The following CASK variants were observed in gnomAD, a reference collection of about 807,000 sequenced individuals.
The protein encoded by CASK is calcium/calmodulin dependent serine protein kinase, also known as peripheral plasma membrane protein CASK.
In CASK, 4 loss-of-function variants were observed where a neutral mutation model predicts 82.9. The observed-to-expected ratio is 0.05, with a 90% CI of 0.02 to 0.11. The LOEUF is 0.11. Ranked by LOEUF, CASK falls within the 10% of genes least tolerant of loss-of-function variation. CASK has a pLI of 1.00. For synonymous variants in CASK, 259 were observed against 253.5 expected (o/e 1.02, Z -0.20); for missense variants, 358 against 720.9 (o/e 0.50, Z 5.76).
At chrX:41,724,810 T>C (rs991530292) in intron 5 of CASK, among the ~76,000 whole-genome samples, 3 of 111,915 alleles carry the variant, frequency 2.7e-5, no homozygotes, top group African/African-American at 9.7e-5. Context: ...AAGCATTTAA[T>C]ATTCATACAG....
rs780008829 is a variant in CASK, at chrX:41,576,692, CA to C, written c.1503+1647del. 2.7e-5 allele frequency among the ~76,000 whole-genome samples: 3 copies of C among 111,918 alleles called. No individual in the cohort carries two copies. The Admixed American group carries it at 2.8e-4, about 11-fold the overall frequency. On this transcript the variant is annotated intron_variant, in intron 15 of 26. Coordinates refer to ENST00000378163, the MANE Select transcript of CASK (RefSeq NM_001367721.1). Reference sequence around the variant, plus strand: ...ATGAATGAATGGAATATTAGACTTTCAGAGCTAGGTGGGATCTTGGGGATCA... The same window carrying C: ...ATGAATGAATGGAATATTAGACTTTCGAGCTAGGTGGGATCTTGGGGATCA...
At chrX:41,689,153 T>A (rs2067496173) in intron 5 of CASK, 1 of 112,133 alleles carries the variant, frequency 8.9e-6, no homozygotes, top group Admixed American at 9.5e-5. Context: ...TATCTGAACA[T>A]TCAAAGTGAA....
chrX:41,690,503 C>T (rs1351417047), intron 5 of CASK, among the ~76,000 whole-genome samples: 2 of 106,356 alleles, frequency 1.9e-5, no homozygotes, highest in East Asian at 3.0e-4. Flanking sequence ...CGTGCCACCA[C>T]GCCCTGCTAA....
chrX:41,910,233 G>C (rs1019455258), intron 1 of CASK, among the ~76,000 whole-genome samples: 5 of 109,764 alleles, frequency 4.6e-5, no homozygotes, highest in African/African-American at 1.7e-4. Flanking sequence ...AAAAAAAAAA[G>C]TGTTTTATTT....
chrX:41,683,695 G>T (rs970032050), intron 5 of CASK, among the ~76,000 whole-genome samples: 10 of 111,478 alleles, frequency 9.0e-5, no homozygotes, highest in South Asian at 3.8e-4. Context: ...AGTTATGCAT[G>T]GATTTTCAAC....
At chrX:41,667,457 T>C (rs948065577) in intron 6 of CASK, among the ~76,000 whole-genome samples, 1 of 112,115 alleles carries the variant, frequency 8.9e-6, no homozygotes, top group African/African-American at 3.2e-5. Context: ...TTGAGATATT[T>C]TGGACAAATA....
rs867543836 is a variant in CASK, at chrX:41,854,228, A to G, written c.60-1001T>C. On this transcript the variant is annotated intron_variant, in intron 1 of 26. Transcript: ENST00000378163. ...TGCGCGCGCGCGCGGGCGCGCGCACACACACACACACACACACACACACAC... is the reference window on the plus strand; with the variant it reads ...TGCGCGCGCGCGCGGGCGCGCGCACGCACACACACACACACACACACACAC... Among the ~76,000 whole-genome samples, 780 of 91,052 alleles carry G rather than the reference A, an allele frequency of 8.6e-3. 9 individuals carry two copies. Among genetic ancestry groups the G allele is most frequent in the African/African-American group, 0.025 (482 of 19,251 alleles). 79.1% of individuals were successfully genotyped at this position (91,052 alleles called of 115,157 possible). A position where few individuals can be genotyped will look rare whatever the true frequency, so the allele number is the denominator to read the frequency against.
intron 22 of CASK, among the ~76,000 whole-genome samples, chrX:41,538,061 G>C (rs1170993277): frequency 9.1e-6 from 1 of 110,182 alleles, no homozygotes; most frequent in Non-Finnish European, 1.9e-5. Flanking sequence ...GGCCAGGCTG[G>C]TCTCGAACTC....
Position 41,569,690 on chromosome X carries a change from A to G in CASK, c.1560T>C (p.His520=), listed in dbSNP as rs376502341. The change falls in exon 16 of 27, where the codon CAT becomes CAC. Residue 520 remains histidine, a synonymous_variant. Transcript: ENST00000378163. ...LNHCIVARIM[H]GGMIHRQGTL... is the part of the protein sequence containing the mutation. ...TACCTTGCCTGTGAATCATGCCCCC[A>G]TGCATAATTCTTGCAACAATACAAT... 1 of 1,169,829 alleles carries G rather than the reference A, an allele frequency of 8.5e-7. No individual in the cohort carries two copies. The highest frequency in any genetic ancestry group is 1.2e-6 in the Non-Finnish European group (1 of 858,682).
intron 5 of CASK, among the ~76,000 whole-genome samples, chrX:41,700,644 A>G (rs1040744091): frequency 3.0e-4 from 30 of 98,827 alleles, no homozygotes; most frequent in Non-Finnish European, 4.0e-5. Flanking sequence ...CAGTGGTGCA[A>G]TCTTGGCTCA....
intron 1 of CASK, among the ~76,000 whole-genome samples, chrX:41,874,567 G>C (rs767481798): frequency 4.5e-5 from 5 of 111,958 alleles, no homozygotes; most frequent in African/African-American, 1.6e-4. Context: ...CCAGATATCA[G>C]ACTAGAATTT....
rs761965967 is a variant in CASK at position 41,615,100 on chromosome X, C to A, written c.1034-5075G>T. On this transcript the variant is annotated intron_variant, in intron 11 of 26. Coordinates refer to ENST00000378163, the MANE Select transcript of CASK (RefSeq NM_001367721.1). ...GGATTACAGGTGTGAGCCACCATGCCCGGCTGGATAATATTAAATTTTGAA... is the reference window on the plus strand; with the variant it reads ...GGATTACAGGTGTGAGCCACCATGCACGGCTGGATAATATTAAATTTTGAA... Among the ~76,000 whole-genome samples, 5 of 111,896 alleles carry A rather than the reference C, an allele frequency of 4.5e-5. No homozygotes were observed. In the South Asian group the frequency reaches 1.9e-3, roughly 42 times the overall value.
chrX:41,838,895 G>A (rs1225456956), intron 2 of CASK, among the ~76,000 whole-genome samples: 1 of 111,535 alleles, frequency 9.0e-6, no homozygotes, highest in Non-Finnish European at 1.9e-5. Flanking sequence ...ACCACCATTT[G>A]TAGAAAAAAA....
At chrX:41,600,643 C>A (rs921025548) in intron 12 of CASK, among the ~76,000 whole-genome samples, 5 of 112,006 alleles carry the variant, frequency 4.5e-5, no homozygotes, top group African/African-American at 1.6e-4. Flanking sequence ...TTTATCTGAA[C>A]AAATAAGGGA....
intron 9 of CASK, among the ~76,000 whole-genome samples, chrX:41,633,596 C>CTTTTT (rs201315802): frequency 5.8e-5 from 6 of 103,360 alleles, no homozygotes; most frequent in African/African-American, 7.0e-5. Flanking sequence ...CTAGAGGATT[C>CTTTTT]TTTTTTTTTA....
At chrX:41,808,689 G>A (rs886175966) in intron 2 of CASK, among the ~76,000 whole-genome samples, 1 of 112,142 alleles carries the variant, frequency 8.9e-6, no homozygotes, top group Non-Finnish European at 1.9e-5. Flanking sequence ...CTGAGGTACC[G>A]GGTTCATCTC....
At chrX:41,733,804 T>G (rs1001751055) in intron 5 of CASK, among the ~76,000 whole-genome samples, 2 of 111,603 alleles carry the variant, frequency 1.8e-5, no homozygotes, top group African/African-American at 6.5e-5. Flanking sequence ...TTTTGTTTTA[T>G]GAGAATTTAA....
At chrX:41,796,402 GTCAA>G (rs1440605644) in intron 2 of CASK, among the ~76,000 whole-genome samples, 2 of 112,206 alleles carry the variant, frequency 1.8e-5, no homozygotes, top group African/African-American at 6.5e-5. Flanking sequence ...TTTAACAAAT[GTCAA>G]TCAAACCGAG....
At chrX:41,906,939 G>T (rs1481663774) in intron 1 of CASK, among the ~76,000 whole-genome samples, 1 of 112,890 alleles carries the variant, frequency 8.9e-6, no homozygotes, top group Non-Finnish European at 1.9e-5. Context: ...CCAGTAGATA[G>T]GTTGCCTTTG....
Sources: gnomAD v4.1 joint callset for allele counts (sites outside exome capture counted in the v4.1 genomes callset) on GRCh38, gnomAD v4.1.1 for gene constraint, MANE v1.5 for transcripts, NCBI Gene and HGNC (gene_info 2026-07-23, HGNC 2026-07-21) for gene names.